RTN4: variants seen among roughly 807,000 people sequenced by gnomAD.
RTN4 encodes the protein reticulon-4.
A neutral mutation model predicts 90.4 loss-of-function variants in RTN4; 32 were observed. The observed-to-expected ratio is 0.35, with a 90% CI of 0.27 to 0.48. The LOEUF (loss-of-function observed/expected upper bound fraction) is 0.48, where lower values mean the gene tolerates loss of function less well. Ranked by LOEUF, RTN4 falls within the 20% of genes least tolerant of loss-of-function variation. The probability of loss-of-function intolerance (pLI) is 0.99; values close to 1 mark genes in which losing one functional copy is unlikely to be tolerated. For synonymous variants in RTN4, 629 were observed against 552.5 expected (o/e 1.14, Z -1.94); for missense variants, 1,706 against 1,430.2 (o/e 1.19, Z -3.11).
At chr2:55,115,017 T>C (rs1299296064), upstream of RTN4, among the ~76,000 whole-genome samples, 3 of 152,218 alleles carry the variant, frequency 2.0e-5, no homozygotes, top group South Asian at 2.1e-4. Context: ...AAGCCACAGC[T>C]AGGAGAGAAT....
At chr2:55,088,739 C>T (rs1172828840) in intron 1 of RTN4, among the ~76,000 whole-genome samples, 1 of 151,732 alleles carries the variant, frequency 6.6e-6, no homozygotes, top group African/African-American at 2.4e-5. Flanking sequence ...CTTCTGAAAG[C>T]AAAAAAGCAG....
At chr2:54,977,735 T>C (rs1195008623) in intron 5 of RTN4, among the ~76,000 whole-genome samples, 1 of 152,198 alleles carries the variant, frequency 6.6e-6, no homozygotes, top group Non-Finnish European at 1.5e-5. Flanking sequence ...ATTTTTGCCA[T>C]ACTATTTGAC....
Position 55,013,599 on chromosome 2 carries a change from GT to G in RTN4, c.3013+11486del, listed in dbSNP as rs1326832798. Reference sequence around the variant, plus strand: ...AAACTGTGTGTATGTTTTTTGGTGGGTTTTTTTTTGGGGGGGGGGGAGGGTG... The same window carrying G: ...AAACTGTGTGTATGTTTTTTGGTGGGTTTTTTTTGGGGGGGGGGGAGGGTG... On this transcript the variant is annotated intron_variant, in intron 3 of 8. Coordinates refer to ENST00000337526, the MANE Select transcript of RTN4 (RefSeq NM_020532.5). Among the ~76,000 whole-genome samples the G allele has an allele frequency of 6.2e-3, 424 of 68,240 alleles. 4 individuals are homozygous for G. The highest frequency in any genetic ancestry group is 0.034 in the African/African-American group (378 of 10,978). 44.8% of individuals were successfully genotyped at this position (68,240 alleles called of 152,430 possible). A position where few individuals can be genotyped will look rare whatever the true frequency, so the allele number is the denominator to read the frequency against.
chr2:54,981,146 G>A (rs934009508), intron 5 of RTN4, among the ~76,000 whole-genome samples: 20 of 152,236 alleles, frequency 1.3e-4, no homozygotes, highest in East Asian at 9.6e-4. Context: ...ATGTTATTAG[G>A]AAGTAACTTA....
intron 2 of RTN4, among the ~76,000 whole-genome samples, chr2:55,065,497 T>C (rs777115407): frequency 9.2e-5 from 14 of 152,052 alleles, no homozygotes; most frequent in Non-Finnish European, 1.9e-4. Context: ...TTTATTATAA[T>C]ATCTAAAACT....
chr2:55,036,191 C>T (rs1359083681), intron 1 of RTN4, among the ~76,000 whole-genome samples: 1 of 152,090 alleles, frequency 6.6e-6, no homozygotes, highest in Non-Finnish European at 1.5e-5. Context: ...CTCATAACCA[C>T]ACATGCAAAA....
intron 1 of RTN4, among the ~76,000 whole-genome samples, chr2:55,104,358 T>A (rs1667905392): frequency 1.3e-5 from 2 of 151,004 alleles, no homozygotes; most frequent in South Asian, 4.2e-4. Context: ...TGCCTGGCTG[T>A]TTTTTAAATT....
intron 3 of RTN4, among the ~76,000 whole-genome samples, chr2:54,993,685 A>T (rs1299336532): frequency 1.3e-5 from 2 of 152,254 alleles, no homozygotes; most frequent in Non-Finnish European, 1.5e-5. Context: ...AGCAGGTATC[A>T]TGACAGACAT....
chr2:54,998,377 G>C (rs1043968954), intron 3 of RTN4, among the ~76,000 whole-genome samples: 1 of 152,108 alleles, frequency 6.6e-6, no homozygotes, highest in Non-Finnish European at 1.5e-5. Flanking sequence ...CCAGAGCTGA[G>C]CAGAAAGCCA....
At chr2:54,978,001 G>T (rs550473527) in intron 5 of RTN4, among the ~76,000 whole-genome samples, 7 of 152,144 alleles carry the variant, frequency 4.6e-5, no homozygotes, top group South Asian at 2.1e-4. Flanking sequence ...TTATTTTTTT[G>T]ATCACATTTT....
the RTN4 span, among the ~76,000 whole-genome samples, chr2:55,132,622 G>A: frequency 6.6e-6 from 1 of 151,794 alleles, no homozygotes; most frequent in South Asian, 2.1e-4. Context: ...GACCAGCCTG[G>A]GCAACATGGT....
At chr2:55,062,955 G>A (rs1448244643) in intron 2 of RTN4, among the ~76,000 whole-genome samples, 1 of 152,174 alleles carries the variant, frequency 6.6e-6, no homozygotes, top group African/African-American at 2.4e-5. Flanking sequence ...ATGATGGCTG[G>A]AACTGGGGCA....
intron 3 of RTN4, among the ~76,000 whole-genome samples, chr2:54,990,094 A>C (rs1053338647): frequency 1.3e-5 from 2 of 152,236 alleles, no homozygotes; most frequent in South Asian, 2.1e-4. Context: ...ACGTGACCTC[A>C]GGAAAGTCAC....
At chr2:55,031,195 T>C (rs565248504) in intron 1 of RTN4, among the ~76,000 whole-genome samples, 2 of 152,278 alleles carry the variant, frequency 1.3e-5, no homozygotes, top group South Asian at 2.1e-4. Flanking sequence ...ACTAAAAATA[T>C]GGGCAAAATA....
At chr2:55,097,912 CAAG>C (rs1357551527) in intron 1 of RTN4, among the ~76,000 whole-genome samples, 1 of 151,946 alleles carries the variant, frequency 6.6e-6, no homozygotes, top group African/African-American at 2.4e-5. Context: ...TCTGAAGGGC[CAAG>C]AATGACATAT....
intron 1 of RTN4, among the ~76,000 whole-genome samples, chr2:55,107,183 G>T (rs543150229): frequency 6.6e-6 from 1 of 151,454 alleles, no homozygotes; most frequent in South Asian, 2.1e-4. Context: ...TGTTGAGTGA[G>T]TTTTGTTTAG....
At chr2:55,059,555 C>G (rs974868401) in intron 2 of RTN4, among the ~76,000 whole-genome samples, 1 of 151,788 alleles carries the variant, frequency 6.6e-6, no homozygotes. Context: ...GGTTTCAGGC[C>G]GGGCACAGTG....
chr2:55,094,572 A>G (rs1223058435), intron 1 of RTN4, among the ~76,000 whole-genome samples: 1 of 152,206 alleles, frequency 6.6e-6, no homozygotes, highest in Admixed American at 6.5e-5. Flanking sequence ...CAGACAAGTA[A>G]ATATTAGATA....
intron 2 of RTN4, among the ~76,000 whole-genome samples, chr2:55,061,157 C>T (rs1009563072): frequency 6.6e-6 from 1 of 151,392 alleles, no homozygotes; most frequent in South Asian, 2.1e-4. Flanking sequence ...CCTCCGCCTC[C>T]TGGGTTCCAG....
Sources: gnomAD v4.1 joint callset for allele counts (sites outside exome capture counted in the v4.1 genomes callset) on GRCh38, gnomAD v4.1.1 for gene constraint, MANE v1.5 for transcripts, NCBI Gene and HGNC (gene_info 2026-07-23, HGNC 2026-07-21) for gene names.